MGMT: variants seen among roughly 807,000 people sequenced by gnomAD.
The protein encoded by MGMT is O-6-methylguanine-DNA methyltransferase.
Under a neutral mutation model 15.9 loss-of-function variants are expected in MGMT, and 14 were observed. The observed-to-expected ratio is 0.88, with a 90% confidence interval of 0.58 to 1.37. The LOEUF (loss-of-function observed/expected upper bound fraction) is 1.37. MGMT is among the 40% of genes most tolerant of loss of function. The probability of loss-of-function intolerance (pLI) is 0.00; values close to 1 mark genes in which losing one functional copy is unlikely to be tolerated. For synonymous variants in MGMT, 130 were observed against 118.2 expected (o/e 1.10, Z -0.65); for missense variants, 282 against 268.1 (o/e 1.05, Z -0.36).
chr10:129,710,420 AG>A, intron 3 of MGMT, among the ~76,000 whole-genome samples: 1 of 152,268 alleles, frequency 6.6e-6, no homozygotes, highest in South Asian at 2.1e-4. Flanking sequence ...TCTCGAGGGT[AG>A]GGGCTGGAGT....
At chr10:129,621,669 T>C (rs1235721904) in intron 2 of MGMT, among the ~76,000 whole-genome samples, 1 of 152,210 alleles carries the variant, frequency 6.6e-6, no homozygotes, top group Non-Finnish European at 1.5e-5. Context: ...ATTTGGGATC[T>C]CTTTGGAAGT....
At chr10:129,690,530 T>C (rs1310612475) in intron 2 of MGMT, among the ~76,000 whole-genome samples, 1 of 152,026 alleles carries the variant, frequency 6.6e-6, no homozygotes, top group Non-Finnish European at 1.5e-5. Context: ...CCCAGAGCAT[T>C]TGGAGGTGCC....
At chr10:129,522,616 A>G (rs914700472) in intron 1 of MGMT, among the ~76,000 whole-genome samples, 6 of 152,220 alleles carry the variant, frequency 3.9e-5, no homozygotes, top group African/African-American at 1.4e-4. Context: ...TGAATGTACA[A>G]ATTCCATCCC....
chr10:129,565,976 G>A (rs1846350122), intron 2 of MGMT, among the ~76,000 whole-genome samples: 1 of 152,114 alleles, frequency 6.6e-6, no homozygotes, highest in Non-Finnish European at 1.5e-5. Flanking sequence ...TTCCTGCCGG[G>A]GCCCCAGGCA....
In MGMT at chr10:129,524,095, A is replaced by G. The variant is rs1021930190; in HGVS notation, c.-12-12146A>G. On this transcript the variant is annotated intron_variant, in intron 1 of 4. Transcript: ENST00000651593. ...GTCCTGATGACCTGGGAGTGTCGTG[A>G]AGACAGAGCAGCCAGTGACCTTCTG... is the stretch of plus-strand genomic sequence containing the variant. Among the ~76,000 whole-genome samples the G allele has an allele frequency of 3.3e-5, 5 of 152,270 alleles. No individual in the cohort carries two copies. In the South Asian group the frequency reaches 8.3e-4, roughly 25 times the overall value.
intron 3 of MGMT, among the ~76,000 whole-genome samples, chr10:129,716,808 G>C (rs1236491280): frequency 6.6e-6 from 1 of 152,156 alleles, no homozygotes; most frequent in African/African-American, 2.4e-5. Context: ...GAATGTGATG[G>C]TATCATTAGT....
intron 2 of MGMT, among the ~76,000 whole-genome samples, chr10:129,691,112 G>A (rs1198623885): frequency 2.6e-5 from 4 of 152,254 alleles, no homozygotes; most frequent in African/African-American, 9.6e-5. Flanking sequence ...GGCAGCAGTG[G>A]GAACTGGGAG....
intron 2 of MGMT, among the ~76,000 whole-genome samples, chr10:129,646,474 C>T (rs1319397373): frequency 1.3e-5 from 2 of 151,908 alleles, no homozygotes; most frequent in Non-Finnish European, 2.9e-5. Context: ...ACTGGGTACA[C>T]TCTAAAGTCT....
At chr10:129,730,986 T>G (rs1848489514) in intron 3 of MGMT, among the ~76,000 whole-genome samples, 1 of 152,178 alleles carries the variant, frequency 6.6e-6, no homozygotes. Context: ...TAAATACGCC[T>G]CTGGGGGAGC....
chr10:129,719,402 A>G (rs1053489755), intron 3 of MGMT, among the ~76,000 whole-genome samples: 2 of 152,144 alleles, frequency 1.3e-5, no homozygotes, highest in Non-Finnish European at 2.9e-5. Flanking sequence ...CTTTGTATTG[A>G]TCTGTGCAGG....
At chr10:129,640,518 G>A (rs1264074810) in intron 2 of MGMT, among the ~76,000 whole-genome samples, 1 of 152,186 alleles carries the variant, frequency 6.6e-6, no homozygotes, top group African/African-American at 2.4e-5. Context: ...AGACGTAGTT[G>A]TCTTCATTGG....
intron 1 of MGMT, among the ~76,000 whole-genome samples, chr10:129,476,617 C>T (rs970623139): frequency 6.6e-6 from 1 of 152,068 alleles, no homozygotes; most frequent in East Asian, 1.9e-4. Context: ...CCAGCTTAGC[C>T]GGCGTGACTC....
At position 129,707,921 on chromosome 10, in the gene MGMT, C is replaced by A; in HGVS notation, c.152C>A (p.Ala51Glu). Reference protein sequence around the residue: ...ADAVEVPAPAAVLGGPEPLMQ... With the variant: ...ADAVEVPAPAEVLGGPEPLMQ... ...GCCGTGGAGGTCCCAGCCCCCGCTG[C>A]GGTTCTCGGAGGTCCGGAGCCCCTG... The change falls in exon 3 of 5, where the codon GCG (alanine) becomes GAG (glutamate). Residue 51 changes from alanine to glutamate, a missense_variant. Transcript: ENST00000651593. The A allele has an allele frequency of 6.2e-7, 1 of 1,612,196 alleles. No homozygotes were observed. Among genetic ancestry groups the A allele is most frequent in the African/African-American group, 1.3e-5 (1 of 74,980 alleles).
At chr10:129,740,775 G>T (rs1244349764) in intron 3 of MGMT, among the ~76,000 whole-genome samples, 4 of 152,182 alleles carry the variant, frequency 2.6e-5, no homozygotes, top group African/African-American at 9.6e-5. Flanking sequence ...CTGGGCCTGG[G>T]AGACTTCTCA....
At chr10:129,565,131 T>G (rs1299114788) in intron 2 of MGMT, among the ~76,000 whole-genome samples, 1 of 152,214 alleles carries the variant, frequency 6.6e-6, no homozygotes, top group Non-Finnish European at 1.5e-5. Flanking sequence ...GGCCGGGGTG[T>G]GGCAGGACCG....
chr10:129,716,477 G>A (rs185992535), intron 3 of MGMT, among the ~76,000 whole-genome samples: 16 of 152,242 alleles, frequency 1.1e-4, no homozygotes, highest in East Asian at 3.9e-4. Flanking sequence ...TGGGCTCCGC[G>A]ATCCCCCGCC....
At chr10:129,544,667 C>T (rs1225526354) in intron 2 of MGMT, among the ~76,000 whole-genome samples, 1 of 141,040 alleles carries the variant, frequency 7.1e-6, no homozygotes, top group Non-Finnish European at 1.6e-5. Context: ...GCCCTGTGGA[C>T]CCCTGCCCCC....
intron 2 of MGMT, among the ~76,000 whole-genome samples, chr10:129,569,093 A>C (rs1456510514): frequency 1.3e-5 from 2 of 152,182 alleles, no homozygotes; most frequent in African/African-American, 4.8e-5. Flanking sequence ...AGCTGGGCCC[A>C]CACTCCGGCT....
chr10:129,633,082 C>T (rs1847229056), intron 2 of MGMT, among the ~76,000 whole-genome samples: 1 of 152,130 alleles, frequency 6.6e-6, no homozygotes, highest in Non-Finnish European at 1.5e-5. Flanking sequence ...TTGTATGATG[C>T]TGCTGATAAC....
Sources: allele counts gnomAD v4.1 joint callset (sites outside exome capture counted in the v4.1 genomes callset), GRCh38; gene constraint gnomAD v4.1.1; transcripts MANE v1.5; gene names NCBI Gene and HGNC (gene_info 2026-07-23, HGNC 2026-07-21).